GABBR2: variants seen among roughly 807,000 people sequenced by gnomAD.
GABBR2 encodes the protein gamma-aminobutyric acid type B receptor subunit 2, also known as G-protein coupled receptor 51.
Under a neutral mutation model 105.6 loss-of-function variants are expected in GABBR2, and 23 were observed. The observed-to-expected ratio is 0.22, with a 90% CI of 0.16 to 0.31. The LOEUF (loss-of-function observed/expected upper bound fraction) is 0.31. GABBR2 is among the 10% of genes least tolerant of loss of function. The probability of loss-of-function intolerance (pLI) is 1.00; values close to 1 mark genes in which losing one functional copy is unlikely to be tolerated. For missense variants in GABBR2, 734 were observed against 1,245.5 expected (o/e 0.59, Z 6.18); for synonymous variants, 478 against 499.7 (o/e 0.96, Z 0.58).
intron 1 of GABBR2, among the ~76,000 whole-genome samples, chr9:98,625,751 C>T (rs1056050154): frequency 1.2e-4 from 19 of 152,212 alleles, no homozygotes; most frequent in Admixed American, 1.2e-3. Context: ...CCTGTCCCCA[C>T]AGGCCAGTCA....
chr9:98,529,629 T>C (rs1372117408), intron 3 of GABBR2, among the ~76,000 whole-genome samples: 2 of 152,184 alleles, frequency 1.3e-5, no homozygotes. Flanking sequence ...AAAACAATAA[T>C]TAGTACTTTA....
At chr9:98,577,794 G>T in intron 2 of GABBR2, 141 bp downstream of exon 2, 1 of 747,810 alleles carries the variant, frequency 1.3e-6, no homozygotes, top group African/African-American at 1.8e-5. Flanking sequence ...GCAGTGAAAG[G>T]CTGTGCTATC....
rs138103684 is a variant in GABBR2 at position 98,651,104 on chromosome 9, T to TAC, written c.321+57311_321+57312dup. On this transcript the variant is annotated intron_variant, in intron 1 of 18. Coordinates refer to ENST00000259455, the MANE Select transcript of GABBR2 (RefSeq NM_005458.8). ...TGTTATGTATATTTTATCAAGATTA[T>TAC]ACACACACACCCACACACACACATA... Among the ~76,000 whole-genome samples the TAC allele has an allele frequency of 5.9e-3, 889 of 151,636 alleles. 1 individual carries two copies. The highest frequency in any genetic ancestry group is 8.3e-3 in the Non-Finnish European group (564 of 67,914).
intron 4 of GABBR2, chr9:98,495,832 C>T (rs1277451416): frequency 6.5e-6 from 1 of 152,924 alleles, no homozygotes; most frequent in Non-Finnish European, 1.5e-5. Context: ...GTCTTCTTCA[C>T]CATGCTGGGA....
At chr9:98,677,390 G>A (rs188459684) in intron 1 of GABBR2, among the ~76,000 whole-genome samples, 254 of 152,334 alleles carry the variant, frequency 1.7e-3, no homozygotes, top group Admixed American at 4.4e-3. Flanking sequence ...GAGGATACCT[G>A]AGACAGGTTT....
chr9:98,447,060 C>CTTTTTTTTT, intron 7 of GABBR2, among the ~76,000 whole-genome samples: 1 of 115,910 alleles, frequency 8.6e-6, no homozygotes, highest in Admixed American at 9.3e-5. Flanking sequence ...CTAAAAAAGA[C>CTTTTTTTTT]TTCTTTTTTT....
chr9:98,334,911 G>A (rs1251853233), intron 13 of GABBR2, among the ~76,000 whole-genome samples: 1 of 152,148 alleles, frequency 6.6e-6, no homozygotes, highest in Non-Finnish European at 1.5e-5. Context: ...CAGGGCTGGC[G>A]GTTCCTTTCC....
intron 1 of GABBR2, among the ~76,000 whole-genome samples, chr9:98,648,116 T>TGTGTGTGTGTGTGTGTATATATAGATAG: frequency 1.8e-5 from 1 of 55,948 alleles, no homozygotes; most frequent in African/African-American, 6.9e-5. Flanking sequence ...TGTGTGTGTG[T>TGTGTGTGTGTGTGTGTATATATAGATAG]ATAGATAGAT....
At chr9:98,451,879 GTC>G (rs1426336803) in intron 7 of GABBR2, among the ~76,000 whole-genome samples, 1 of 152,116 alleles carries the variant, frequency 6.6e-6, no homozygotes, top group Admixed American at 6.5e-5. Flanking sequence ...GCCAGCCCCT[GTC>G]TTCATGTCTA....
intron 13 of GABBR2, among the ~76,000 whole-genome samples, chr9:98,351,876 C>A (rs944902916): frequency 6.6e-6 from 1 of 152,174 alleles, no homozygotes; most frequent in Non-Finnish European, 1.5e-5. Flanking sequence ...TTGGAGGTAT[C>A]ATGTTTCTTT....
intron 1 of GABBR2, among the ~76,000 whole-genome samples, chr9:98,674,450 G>T (rs1371366128): frequency 9.1e-5 from 2 of 21,858 alleles, no homozygotes; most frequent in East Asian, 1.1e-3. Flanking sequence ...CCTGAGTGCT[G>T]GGTGCCTGGT....
At chr9:98,349,744 G>A (rs1172992807) in intron 13 of GABBR2, among the ~76,000 whole-genome samples, 1 of 152,078 alleles carries the variant, frequency 6.6e-6, no homozygotes, top group Non-Finnish European at 1.5e-5. Context: ...TCTGGTTTTG[G>A]TATCAGGGTA....
intron 1 of GABBR2, among the ~76,000 whole-genome samples, chr9:98,618,674 C>T (rs533609670): frequency 8.9e-4 from 135 of 152,264 alleles, no homozygotes; most frequent in Non-Finnish European, 1.5e-3. Flanking sequence ...CTCTCTCTGT[C>T]TCTTGCTCCT....
At chr9:98,389,408 C>T (rs769436878) in intron 9 of GABBR2, among the ~76,000 whole-genome samples, 25 of 152,360 alleles carry the variant, frequency 1.6e-4, no homozygotes, top group Non-Finnish European at 3.2e-4. Context: ...CTCAAGATCT[C>T]TGCTCCTAAA....
intron 1 of GABBR2, among the ~76,000 whole-genome samples, chr9:98,593,793 C>T (rs142871725): frequency 6.6e-5 from 10 of 152,296 alleles, no homozygotes; most frequent in East Asian, 1.9e-4. Context: ...GTCCTCACCC[C>T]GTCACCGTGG....
chr9:98,302,400 G>T (rs1470572692), intron 16 of GABBR2, among the ~76,000 whole-genome samples: 1 of 152,204 alleles, frequency 6.6e-6, no homozygotes, highest in African/African-American at 2.4e-5. Context: ...AAACCAGAGG[G>T]CAGGAACCAA....
intron 7 of GABBR2, among the ~76,000 whole-genome samples, chr9:98,420,463 T>C (rs1158476873): frequency 7.7e-6 from 1 of 129,414 alleles, no homozygotes; most frequent in African/African-American, 2.9e-5. Context: ...ATGCAAAGAG[T>C]GTGTGGCCGG....
chr9:98,359,516 G>C (rs1373714919), intron 13 of GABBR2, among the ~76,000 whole-genome samples: 1 of 152,152 alleles, frequency 6.6e-6, no homozygotes, highest in Non-Finnish European at 1.5e-5. Flanking sequence ...GCCCCCAGTA[G>C]GCCTCTAGGG....
At chr9:98,526,435 T>C (rs1041871105) in intron 3 of GABBR2, among the ~76,000 whole-genome samples, 24 of 152,312 alleles carry the variant, frequency 1.6e-4, no homozygotes, top group African/African-American at 5.8e-4. Context: ...CCTTATAACC[T>C]GCCCCTCACT....
Sources: allele counts gnomAD v4.1 joint callset (sites outside exome capture counted in the v4.1 genomes callset), GRCh38; gene constraint gnomAD v4.1.1; transcripts MANE v1.5; gene names NCBI Gene and HGNC (gene_info 2026-07-23, HGNC 2026-07-21).